Variants in DPH6 observed in about 807,000 individuals in gnomAD.
DPH6 encodes diphthamine biosynthesis 6.
A neutral mutation model predicts 38.2 loss-of-function variants in DPH6; 33 were observed. The observed-to-expected ratio is 0.86, with a 90% CI of 0.65 to 1.15. The LOEUF (loss-of-function observed/expected upper bound fraction) is 1.15. Among genes scored for constraint, DPH6 ranks in the 50% most tolerant of loss-of-function variants. DPH6 has a pLI of 0.00. For synonymous variants in DPH6, 108 were observed against 103.0 expected (o/e 1.05, Z -0.30); for missense variants, 325 against 320.0 (o/e 1.02, Z -0.12).
At chr15:35,185,936 G>A in the DPH6 span, among the ~76,000 whole-genome samples, 2,166 of 151,824 alleles carry the variant, frequency 0.014, 48 homozygotes, top group African/African-American at 0.05. Context: ...GGGCTTCACC[G>A]TGTTAGCCAG....
At chr15:35,272,939 AC>A (rs999419454) in intron 3 of DPH6, among the ~76,000 whole-genome samples, 1 of 149,780 alleles carries the variant, frequency 6.7e-6, no homozygotes, top group African/African-American at 2.5e-5. Context: ...AGAATGTGAC[AC>A]CCCACCCTCA....
At chr15:35,248,616 T>A (rs2051651348) in intron 3 of DPH6, among the ~76,000 whole-genome samples, 1 of 152,222 alleles carries the variant, frequency 6.6e-6, no homozygotes, top group Non-Finnish European at 1.5e-5. Context: ...CCTCTATCTA[T>A]GGGTCACTCA....
At chr15:35,234,910 A>T (rs1273485336) in intron 3 of DPH6, among the ~76,000 whole-genome samples, 1 of 152,228 alleles carries the variant, frequency 6.6e-6, no homozygotes, top group Non-Finnish European at 1.5e-5. Flanking sequence ...AATCCAGAGG[A>T]AGTAGAATTG....
At chr15:35,192,283 G>A in the DPH6 span, among the ~76,000 whole-genome samples, 1 of 152,102 alleles carries the variant, frequency 6.6e-6, no homozygotes, top group South Asian at 2.1e-4. Context: ...GGGAATAATA[G>A]TACCTAACTC....
chr15:35,506,921 C>A (rs529604085), intron 3 of DPH6, among the ~76,000 whole-genome samples: 47 of 151,204 alleles, frequency 3.1e-4, no homozygotes, highest in African/African-American at 1.1e-3. Flanking sequence ...AAAATAAATT[C>A]TAGTGACAGT....
chr15:35,327,450 A>G (rs1286738733), downstream of DPH6, among the ~76,000 whole-genome samples: 2 of 148,362 alleles, frequency 1.3e-5, no homozygotes, highest in African/African-American at 5.0e-5. Flanking sequence ...GGTTCACACC[A>G]TTCTCCTGCC....
At chr15:35,464,475 T>C (rs1245073066) in intron 3 of DPH6, among the ~76,000 whole-genome samples, 1 of 152,146 alleles carries the variant, frequency 6.6e-6, no homozygotes, top group Non-Finnish European at 1.5e-5. Flanking sequence ...AGAAAATAGA[T>C]TCATAGCAGA....
the DPH6 span, among the ~76,000 whole-genome samples, chr15:35,188,463 A>G: frequency 6.6e-6 from 1 of 152,222 alleles, no homozygotes; most frequent in Non-Finnish European, 1.5e-5. Context: ...ATGCTGACAT[A>G]TAAAACCCCA....
At chr15:35,538,112 T>C (rs2055198589) in intron 3 of DPH6, 162 bp downstream of exon 3, 1 of 475,574 alleles carries the variant, frequency 2.1e-6, no homozygotes, top group African/African-American at 2.0e-5. Flanking sequence ...AAAGGCATAC[T>C]AATCATTTGC....
the DPH6 span, among the ~76,000 whole-genome samples, chr15:35,174,014 C>T: frequency 1.3e-5 from 2 of 152,130 alleles, no homozygotes; most frequent in Admixed American, 6.5e-5. Context: ...AAAATCCTTG[C>T]CTCCATGGAG....
chr15:35,162,899 G>T, the DPH6 span, among the ~76,000 whole-genome samples: 1 of 151,876 alleles, frequency 6.6e-6, no homozygotes, highest in East Asian at 1.9e-4. Flanking sequence ...CTTTAAATGA[G>T]GAGAAGTGAG....
intron 3 of DPH6, among the ~76,000 whole-genome samples, chr15:35,235,204 T>C (rs1250862030): frequency 3.9e-5 from 6 of 152,056 alleles, no homozygotes; most frequent in Non-Finnish European, 7.4e-5. Context: ...AAAGAGAGCC[T>C]GGGAGTTTTC....
chr15:35,493,666 T>A (rs560214320), intron 3 of DPH6, among the ~76,000 whole-genome samples: 1 of 152,132 alleles, frequency 6.6e-6, no homozygotes, highest in African/African-American at 2.4e-5. Flanking sequence ...AGGGTCATGA[T>A]TCTTCATTAT....
chr15:35,542,679 G>A (rs2055271104), intron 1 of DPH6, among the ~76,000 whole-genome samples, 172 bp from the exon 2 acceptor site: 1 of 151,100 alleles, frequency 6.6e-6, no homozygotes, highest in Non-Finnish European at 1.5e-5. Flanking sequence ...AACCGAATCT[G>A]AATGTCTAGG....
At chr15:35,405,824 G>T (rs2053284967) in intron 6 of DPH6, among the ~76,000 whole-genome samples, 1 of 151,906 alleles carries the variant, frequency 6.6e-6, no homozygotes, top group Non-Finnish European at 1.5e-5. Context: ...TATGATACTC[G>T]CTGTGGATCT....
chr15:35,544,865 C>T (rs1164193382), intron 1 of DPH6, among the ~76,000 whole-genome samples: 1 of 152,308 alleles, frequency 6.6e-6, no homozygotes. Context: ...AAACTTTTGG[C>T]AAGCGATGTA....
intron 3 of DPH6, among the ~76,000 whole-genome samples, chr15:35,243,441 CCT>C (rs1357275450): frequency 1.4e-5 from 2 of 143,752 alleles, no homozygotes; most frequent in Non-Finnish European, 3.1e-5. Flanking sequence ...CATTGCATCC[CCT>C]GTGACTTGCA....
chr15:35,352,041 T>C (rs1472257419), intron 3 of DPH6, among the ~76,000 whole-genome samples: 8 of 152,170 alleles, frequency 5.3e-5, no homozygotes, highest in Non-Finnish European at 1.2e-4. Flanking sequence ...CTTTCTATAT[T>C]ATGTTTAAAT....
At chr15:35,404,734 C>A (rs2053268212) in intron 6 of DPH6, among the ~76,000 whole-genome samples, 1 of 152,066 alleles carries the variant, frequency 6.6e-6, no homozygotes, top group Non-Finnish European at 1.5e-5. Flanking sequence ...TTGATGCAAT[C>A]CCATCTGTCC....
Sources: gnomAD v4.1 joint callset for allele counts (sites outside exome capture counted in the v4.1 genomes callset) on GRCh38, gnomAD v4.1.1 for gene constraint, MANE v1.5 for transcripts, NCBI Gene and HGNC (gene_info 2026-07-23, HGNC 2026-07-21) for gene names.